The following BMP2K variants were observed in gnomAD, a reference collection of about 807,000 sequenced individuals.
The protein encoded by BMP2K is BMP-2-inducible protein kinase.
In BMP2K, 74 loss-of-function variants were observed where a neutral mutation model predicts 116.0. The observed-to-expected ratio is 0.64, with a 90% CI of 0.53 to 0.77. The LOEUF is 0.77. Ranked by LOEUF, BMP2K falls within the 30% of genes least tolerant of loss-of-function variation. BMP2K has a pLI of 0.00. For missense variants in BMP2K, 1,365 were observed against 1,403.6 expected, an observed-to-expected ratio of 0.97 and a Z score of 0.44; for synonymous variants, 486 against 502.5, an observed-to-expected ratio of 0.97 and a Z score of 0.44.
At chr4:78,845,840 A>G (rs1730971801) in intron 5 of BMP2K, among the ~76,000 whole-genome samples, 1 of 151,706 alleles carries the variant, frequency 6.6e-6, no homozygotes, top group Non-Finnish European at 1.5e-5. Flanking sequence ...GAAATAGTTC[A>G]AATAGAGCTG....
chr4:78,816,733 A>T (rs1200575295), intron 1 of BMP2K, among the ~76,000 whole-genome samples: 1 of 152,176 alleles, frequency 6.6e-6, no homozygotes, highest in Non-Finnish European at 1.5e-5. Context: ...AGTGTATGTT[A>T]GTTATAATAA....
At position 78,795,740 on chromosome 4, in the gene BMP2K, A is replaced by T. The variant is rs1451483736; in HGVS notation, c.178+19019A>T. Among the ~76,000 whole-genome samples, 4 of 152,162 alleles carry T rather than the reference A, an allele frequency of 2.6e-5. No individual in the cohort carries two copies. In the East Asian group the frequency reaches 7.7e-4, roughly 29 times the overall value. Reference sequence around the variant, plus strand: ...AAAAGTGGGCAAAGGACATGAACAGACACTTCTCAAAAGAAGACATTTATG... The same window carrying T: ...AAAAGTGGGCAAAGGACATGAACAGTCACTTCTCAAAAGAAGACATTTATG... On this transcript the variant is annotated intron_variant, in intron 1 of 15. Transcript: ENST00000502613.
chr4:78,829,777 TTTCTTTTCTTTTCTC>T (rs1175607005), intron 2 of BMP2K, among the ~76,000 whole-genome samples: 1,256 of 95,942 alleles, frequency 0.013, 18 homozygotes, highest in East Asian at 0.042. Flanking sequence ...TTTCTTTTCT[TTTCTTTTCTTTTCTC>T]TTCTCTTCTC....
In BMP2K at chr4:78,910,844, A is replaced by G. The variant is rs1734549462; in HGVS notation, c.2297A>G (p.Gln766Arg). Residue 766 changes from glutamine (Q) to arginine (R), a missense_variant, in exon 16 of 16, where the codon CAG becomes CGG. Gln to Arg is a conservative substitution (Grantham distance 43). Coordinates refer to ENST00000502613, the MANE Select transcript of BMP2K (RefSeq NM_198892.2). ...EEEQDDEEVL[Q>R]GEQGDFNDDD... is the part of the protein sequence containing the mutation. ...GAGCAAGATGATGAAGAAGTTCTTCAGGGGGAACAAGGAGATTTTAATGAT... is the reference window on the plus strand; with the variant it reads ...GAGCAAGATGATGAAGAAGTTCTTCGGGGGGAACAAGGAGATTTTAATGAT... 6.2e-7 allele frequency: 1 copy of G among 1,613,904 alleles called. No individual in the cohort carries two copies. The highest frequency in any genetic ancestry group is 1.3e-5 in the African/African-American group (1 of 74,934).
chr4:78,854,259 TTTATTATTATTATTA>T (rs978344785), intron 7 of BMP2K, among the ~76,000 whole-genome samples: 1 of 149,434 alleles, frequency 6.7e-6, no homozygotes, highest in Non-Finnish European at 1.5e-5. Context: ...TGGGGCTAAA[TTTATTATTATTATTA>T]TTATTTATTT....
chr4:78,897,450 A>G (rs891802423), intron 15 of BMP2K, among the ~76,000 whole-genome samples: 22 of 152,154 alleles, frequency 1.4e-4, no homozygotes, highest in Middle Eastern at 3.2e-3. Flanking sequence ...ATTGAATTAA[A>G]AATTTATAAT....
chr4:78,878,785 C>T lies in BMP2K; in HGVS notation c.1845C>T (p.Ile615=). Residue 615 remains isoleucine (I), a synonymous_variant, in exon 14 of 16, where the codon ATC becomes ATT. Coordinates refer to ENST00000502613, the MANE Select transcript of BMP2K (RefSeq NM_198892.2). ...CAAATTTCACAAATCAGAAGAACAT[C>T]AGCAATCCACCTGATATGTCAGGGT... is the stretch of plus-strand genomic sequence containing the variant. ...AIANFTNQKN[I]SNPPDMSGWN... The T allele has an allele frequency of 6.2e-7, 1 of 1,612,832 alleles. No homozygotes were observed. Among genetic ancestry groups the T allele is most frequent in the East Asian group, 2.2e-5 (1 of 44,762 alleles).
At chr4:78,872,573 G>A (rs1254087137) in intron 12 of BMP2K, 41 bp from the exon 13 acceptor site, 2 of 1,574,132 alleles carry the variant, frequency 1.3e-6, no homozygotes, top group East Asian at 4.5e-5. Context: ...AGTGCTTTAG[G>A]ACTGGAGCAT....
intron 1 of BMP2K, among the ~76,000 whole-genome samples, chr4:78,802,429 A>T (rs374517839): frequency 3.9e-5 from 6 of 152,214 alleles, no homozygotes; most frequent in East Asian, 1.9e-4. Context: ...CGTTTCTAGG[A>T]GCAGAAATTG....
At chr4:78,780,276 G>A (rs1727442348) in intron 1 of BMP2K, among the ~76,000 whole-genome samples, 1 of 152,160 alleles carries the variant, frequency 6.6e-6, no homozygotes, top group Admixed American at 6.5e-5. Context: ...ATGTAATCAC[G>A]AGGTTATGGG....
chr4:78,892,125 G>A lies in BMP2K; in HGVS notation c.2062+4841G>A, dbSNP rs112681965. Among the ~76,000 whole-genome samples the A allele has an allele frequency of 1.8e-4, 27 of 152,254 alleles. 1 individual carries two copies. Among genetic ancestry groups the A allele is most frequent in the African/African-American group, 6.0e-4 (25 of 41,556 alleles). On this transcript the variant is annotated intron_variant, in intron 15 of 15. Coordinates refer to ENST00000502613, the MANE Select transcript of BMP2K (RefSeq NM_198892.2). ...GGTCTCGTAAAATGAGTTGGGAAAT[G>A]TTACTTGTACTTTCTGTAAGAGTTA...
rs1734624570 is a variant in BMP2K at position 78,911,737 on chromosome 4, A to G, written c.3190A>G (p.Ser1064Gly). The change falls in exon 16 of 16, where the codon AGC (serine) becomes GGC (glycine). Residue 1064 changes from serine to glycine, a missense_variant. Ser to Gly is a moderately conservative substitution (Grantham distance 56, BLOSUM62 0). Around this residue, in one of 3 missense-constraint regions of BMP2K, gnomAD observed 596 missense variants for 623.2 expected, o/e 0.96. Transcript: ENST00000502613. ...GGGGAATGTCTTACAACCTGAGGAGAGCCTGTTGGACCCCTTCGGTGCCAA... is the reference window on the plus strand; with the variant it reads ...GGGGAATGTCTTACAACCTGAGGAGGGCCTGTTGGACCCCTTCGGTGCCAA... ...DRGNVLQPEESLLDPFGAKPF... is the reference protein window; with the variant it reads ...DRGNVLQPEEGLLDPFGAKPF... 6.2e-7 allele frequency: 1 copy of G among 1,613,870 alleles called. No individual in the cohort carries two copies. The highest frequency in any genetic ancestry group is 8.5e-7 in the Non-Finnish European group (1 of 1,179,844).
chr4:78,802,105 C>G (rs540850900), intron 1 of BMP2K, among the ~76,000 whole-genome samples: 1 of 152,324 alleles, frequency 6.6e-6, no homozygotes, highest in East Asian at 1.9e-4. Context: ...GACTTCTCTG[C>G]AGATAGTTAT....
intron 1 of BMP2K, among the ~76,000 whole-genome samples, chr4:78,802,020 T>TA (rs1410571647): frequency 2.0e-5 from 3 of 152,224 alleles, no homozygotes; most frequent in Admixed American, 1.3e-4. Context: ...CTCTCTCCTT[T>TA]AGTGAAGGCC....
At chr4:78,795,842 T>TA (rs1728235784) in intron 1 of BMP2K, among the ~76,000 whole-genome samples, 1 of 152,100 alleles carries the variant, frequency 6.6e-6, no homozygotes, top group African/African-American at 2.4e-5. Flanking sequence ...CACAATGAGA[T>TA]ACCATCTCAC....
rs557920683 is a variant in BMP2K, at chr4:78,914,731, T to C, written c.*2698T>C. 7 of 151,278 alleles carry C rather than the reference T, an allele frequency of 4.6e-5. No individual in the cohort carries two copies. In the South Asian group the frequency reaches 1.5e-3, roughly 31 times the overall value. The allele number at this position is 151,278 out of a possible 1,614,324, so 9.4% of individuals were successfully genotyped here. A position where few individuals can be genotyped will look rare whatever the true frequency, so the allele number is the denominator to read the frequency against. On this transcript the variant is annotated 3_prime_UTR_variant, in exon 16 of 16. Coordinates refer to ENST00000502613, the MANE Select transcript of BMP2K (RefSeq NM_198892.2). ...GTACCACTAAGCAAATATATATATA[T>C]ATATATATTTGGGGTTTTTTTTCCC... is the stretch of plus-strand genomic sequence containing the variant.
At position 78,910,978 on chromosome 4, in the gene BMP2K, G is replaced by A. The variant is rs1161746261; in HGVS notation, c.2431G>A (p.Ala811Thr). The change falls in exon 16 of 16, where the codon GCA becomes ACA. Residue 811 changes from alanine (A) to threonine (T), a missense_variant. Ala to Thr is a moderately conservative substitution (Grantham distance 58, BLOSUM62 0). Transcript: ENST00000502613. ...SSDSDYEQAK[A>T]KYSDMSSVYR... ...TGATTCTGATTATGAGCAGGCTAAA[G>A]CAAAGTACAGTGACATGAGCTCTGT... 6 of 1,613,522 alleles carry A rather than the reference G, an allele frequency of 3.7e-6. No homozygotes were observed. The highest frequency in any genetic ancestry group is 3.3e-5 in the Admixed American group (2 of 59,972).
At position 78,776,506 on chromosome 4, in the gene BMP2K, T is replaced by G; in HGVS notation, c.-38T>G. On this transcript the variant is annotated 5_prime_UTR_variant, in exon 1 of 16. Coordinates refer to ENST00000502613, the MANE Select transcript of BMP2K (RefSeq NM_198892.2). ...GCGCGCCGGGCCGGGGACTTGCCCTTGCACGCTCCCTGCGCCCTCCAGCTC... is the reference window on the plus strand; with the variant it reads ...GCGCGCCGGGCCGGGGACTTGCCCTGGCACGCTCCCTGCGCCCTCCAGCTC... The G allele has an allele frequency of 8.9e-7, 1 of 1,125,256 alleles. No individual in the cohort carries two copies. The highest frequency in any genetic ancestry group is 1.1e-6 in the Non-Finnish European group (1 of 918,004). 69.7% of individuals were successfully genotyped at this position (1,125,256 alleles called of 1,614,324 possible). A position where few individuals can be genotyped will look rare whatever the true frequency, so the allele number is the denominator to read the frequency against.
chr4:78,878,690 T>A (rs763046914), intron 13 of BMP2K, 44 bp from the exon 14 acceptor site: 1 of 1,467,148 alleles, frequency 6.8e-7, no homozygotes, highest in Non-Finnish European at 9.3e-7. Flanking sequence ...TTTATTTTAA[T>A]TTTTCTTTCC....
Sources: gnomAD v4.1 joint callset for allele counts (sites outside exome capture counted in the v4.1 genomes callset) on GRCh38, gnomAD v4.1.1 for gene constraint, gnomAD v4.1.1 regional missense constraint, MANE v1.5 for transcripts, NCBI Gene and HGNC (gene_info 2026-07-23, HGNC 2026-07-21) for gene names.